The following LRP1B variants were observed in gnomAD, a reference collection of about 807,000 sequenced individuals.
LRP1B encodes the protein low-density lipoprotein receptor-related protein 1B.
In LRP1B, 217 loss-of-function variants were observed where a neutral mutation model predicts 556.6. The observed-to-expected ratio is 0.39, with a 90% CI of 0.35 to 0.44. LRP1B has a LOEUF of 0.44. LRP1B is among the 20% of genes least tolerant of loss of function. LRP1B has a pLI of 1.00. For synonymous variants in LRP1B, 2,047 were observed against 1,865.8 expected (o/e 1.10, Z -2.50); for missense variants, 5,053 against 5,620.8 (o/e 0.90, Z 3.23).
intron 41 of LRP1B, among the ~76,000 whole-genome samples, chr2:140,682,243 A>G (rs16844483): frequency 0.7 from 105,863 of 152,058 alleles, 38,699 homozygotes; most frequent in Non-Finnish European, 0.83. Flanking sequence ...TCACTTTACT[A>G]TGTGTGCTGT....
intron 31 of LRP1B, among the ~76,000 whole-genome samples, chr2:140,814,488 T>C (rs1037659837): frequency 1.3e-5 from 2 of 152,212 alleles, no homozygotes; most frequent in Non-Finnish European, 2.9e-5. Context: ...TGTTTCCAAA[T>C]TGAGTGCCTG....
chr2:140,449,187 T>C (rs955034788), intron 63 of LRP1B, among the ~76,000 whole-genome samples: 3 of 152,124 alleles, frequency 2.0e-5, no homozygotes, highest in South Asian at 2.1e-4. Context: ...AGAAAGATCA[T>C]CTTCTTAATT....
intron 29 of LRP1B, among the ~76,000 whole-genome samples, chr2:140,844,770 T>C (rs1249361588): frequency 6.6e-6 from 1 of 152,018 alleles, no homozygotes; most frequent in Non-Finnish European, 1.5e-5. Flanking sequence ...GCATGAAAAA[T>C]TGTAATTTTC....
At chr2:140,703,263 A>G (rs1158640004) in intron 37 of LRP1B, among the ~76,000 whole-genome samples, 1 of 152,146 alleles carries the variant, frequency 6.6e-6, no homozygotes, top group Admixed American at 6.6e-5. Flanking sequence ...CTTATAAAAC[A>G]AAATGTAATG....
chr2:140,494,218 C>A (rs1688819273), intron 56 of LRP1B, among the ~76,000 whole-genome samples: 1 of 151,874 alleles, frequency 6.6e-6, no homozygotes, highest in Non-Finnish European at 1.5e-5. Flanking sequence ...TGTAACAAGA[C>A]CCATATTTTA....
At chr2:141,621,018 G>C (rs559210460) in intron 2 of LRP1B, among the ~76,000 whole-genome samples, 1 of 152,116 alleles carries the variant, frequency 6.6e-6, no homozygotes, top group East Asian at 1.9e-4. Context: ...AACAAAAACA[G>C]CTAAACCAGA....
At chr2:141,802,429 A>G (rs937994526) in intron 2 of LRP1B, among the ~76,000 whole-genome samples, 5 of 152,144 alleles carry the variant, frequency 3.3e-5, no homozygotes, top group Admixed American at 6.6e-5. Flanking sequence ...CAGAAAAGCT[A>G]ATGTTATGAA....
At chr2:141,264,884 C>CT in intron 3 of LRP1B, among the ~76,000 whole-genome samples, 1 of 152,302 alleles carries the variant, frequency 6.6e-6, no homozygotes, top group South Asian at 2.1e-4. Context: ...CCTTGGGAGG[C>CT]TGAGGCTATA....
At chr2:141,645,492 T>TG (rs397752881) in intron 2 of LRP1B, among the ~76,000 whole-genome samples, 34 of 121,516 alleles carry the variant, frequency 2.8e-4, no homozygotes, top group African/African-American at 9.2e-4. Context: ...TTTTTTTTTT[T>TG]GGGTGGTTTT....
intron 20 of LRP1B, among the ~76,000 whole-genome samples, chr2:140,947,023 G>C (rs1390127831): frequency 6.6e-6 from 1 of 152,160 alleles, no homozygotes. Flanking sequence ...AAAATGGAGA[G>C]AAGGAATGTG....
At chr2:141,077,905 C>T (rs1259816276) in intron 7 of LRP1B, among the ~76,000 whole-genome samples, 3 of 151,628 alleles carry the variant, frequency 2.0e-5, no homozygotes, top group Non-Finnish European at 4.4e-5. Flanking sequence ...CAGTTTCTGT[C>T]TACTTGATTT....
chr2:140,983,795 A>G (rs145609209), intron 17 of LRP1B, among the ~76,000 whole-genome samples: 178 of 152,020 alleles, frequency 1.2e-3, no homozygotes, highest in African/African-American at 4.1e-3. Context: ...AGGTTCCTAC[A>G]TCTAAAATAT....
chr2:140,805,991 G>T (rs573797252), intron 32 of LRP1B, among the ~76,000 whole-genome samples: 1 of 152,196 alleles, frequency 6.6e-6, no homozygotes, highest in South Asian at 2.1e-4. Flanking sequence ...TCTTTGGAAG[G>T]TAATTTGGTC....
At chr2:140,905,526 G>A (rs1694225639) in intron 22 of LRP1B, among the ~76,000 whole-genome samples, 2 of 152,082 alleles carry the variant, frequency 1.3e-5, no homozygotes, top group South Asian at 4.1e-4. Context: ...CACCTGGGAA[G>A]GGAACTCTGC....
intron 32 of LRP1B, among the ~76,000 whole-genome samples, chr2:140,797,985 C>G (rs1201058827): frequency 7.9e-5 from 12 of 152,132 alleles, no homozygotes; most frequent in African/African-American, 2.9e-4. Flanking sequence ...CATATCTTCT[C>G]TACTTAAAAT....
At chr2:140,836,146 C>A (rs1282339202) in intron 31 of LRP1B, among the ~76,000 whole-genome samples, 1 of 151,992 alleles carries the variant, frequency 6.6e-6, no homozygotes, top group Non-Finnish European at 1.5e-5. Flanking sequence ...AATGTACTTT[C>A]TTGAACACAT....
chr2:141,666,456 G>A (rs1276027891), intron 2 of LRP1B, among the ~76,000 whole-genome samples: 1 of 152,112 alleles, frequency 6.6e-6, no homozygotes, highest in East Asian at 1.9e-4. Flanking sequence ...TGAGTTCAAG[G>A]AATTCTCCCT....
chr2:141,616,480 C>A (rs528163478), intron 2 of LRP1B, among the ~76,000 whole-genome samples: 2 of 152,180 alleles, frequency 1.3e-5, no homozygotes, highest in East Asian at 3.9e-4. Context: ...GTTTAAAATT[C>A]TCTCTTCTTG....
At chr2:141,530,800 T>A (rs576117740) in intron 2 of LRP1B, among the ~76,000 whole-genome samples, 1 of 151,604 alleles carries the variant, frequency 6.6e-6, no homozygotes, top group Non-Finnish European at 1.5e-5. Flanking sequence ...GAATAGCAAA[T>A]ACAATGTCAA....
Sources: allele counts gnomAD v4.1 joint callset (sites outside exome capture counted in the v4.1 genomes callset), GRCh38; gene constraint gnomAD v4.1.1; transcripts MANE v1.5; gene names NCBI Gene and HGNC (gene_info 2026-07-23, HGNC 2026-07-21).